MEGF10: variants seen among roughly 807,000 people sequenced by gnomAD.
The protein encoded by MEGF10 is multiple epidermal growth factor-like domains protein 10.
Under a neutral mutation model 147.5 loss-of-function variants are expected in MEGF10, and 86 were observed. The ratio of observed to expected loss-of-function variants is 0.58; its 90% CI spans 0.49 to 0.70. The LOEUF (loss-of-function observed/expected upper bound fraction) is 0.70. MEGF10 is among the 30% of genes least tolerant of loss of function. The probability of loss-of-function intolerance (pLI) is 0.00; values close to 1 mark genes in which losing one functional copy is unlikely to be tolerated. For synonymous variants in MEGF10, 478 were observed against 525.5 expected, an observed-to-expected ratio of 0.91 and a Z score of 1.24; for missense variants, 1,329 against 1,487.3, an observed-to-expected ratio of 0.89 and a Z score of 1.75.
intron 1 of MEGF10, among the ~76,000 whole-genome samples, chr5:127,298,824 G>A (rs1759635034): frequency 6.6e-6 from 1 of 152,164 alleles, no homozygotes; most frequent in Non-Finnish European, 1.5e-5. Context: ...CATTGTTCAG[G>A]GGTTGGCTGA....
At chr5:127,411,730 G>A (rs887768526) in intron 9 of MEGF10, among the ~76,000 whole-genome samples, 9 of 152,046 alleles carry the variant, frequency 5.9e-5, no homozygotes, top group Admixed American at 3.3e-4. Context: ...AAATATTTGG[G>A]GGAATAAAAA....
At chr5:127,286,644 C>G (rs1759038643), upstream of MEGF10, among the ~76,000 whole-genome samples, 1 of 149,482 alleles carries the variant, frequency 6.7e-6, no homozygotes, top group Non-Finnish European at 1.5e-5. Flanking sequence ...AATCAATAAG[C>G]AAAAATTTGA....
intron 22 of MEGF10, 28 bp from the exon 23 acceptor site, chr5:127,454,538 G>T: frequency 6.3e-7 from 1 of 1,597,068 alleles, no homozygotes; most frequent in South Asian, 1.1e-5. Flanking sequence ...AGTTCTCACT[G>T]GGTGTTTTTT....
At position 127,398,667 on chromosome 5, in the gene MEGF10, A is replaced by T. The variant is rs1764015635; in HGVS notation, c.660-9A>T. On this transcript the variant is annotated splice_polypyrimidine_tract_variant and intron_variant, in intron 6 of 24. Transcript: ENST00000503335. ...TAACAGTGTCCTTTGTCACATGTTA[A>T]TCCCTCAGCTGTGAGGATCTTTGTC... 6.2e-7 allele frequency: 1 copy of T among 1,614,064 alleles called. No individual in the cohort carries two copies. The highest frequency in any genetic ancestry group is 8.5e-7 in the Non-Finnish European group (1 of 1,179,974).
At chr5:127,249,131 C>T in the MEGF10 span, among the ~76,000 whole-genome samples, 15 of 151,826 alleles carry the variant, frequency 9.9e-5, no homozygotes, top group East Asian at 1.9e-4. Flanking sequence ...AATAATAATG[C>T]GTTGTGGCTT....
chr5:127,458,512 A>G lies in MEGF10; in HGVS notation c.*1194A>G, dbSNP rs886755123. On this transcript the variant is annotated 3_prime_UTR_variant, in exon 25 of 25. Coordinates refer to ENST00000503335, the MANE Select transcript of MEGF10 (RefSeq NM_001256545.2). Reference sequence around the variant, plus strand: ...TGGATTGTTAATGAAAAAATATTATATGTTCGTTATTCCTTGTATTATTGC... The same window carrying G: ...TGGATTGTTAATGAAAAAATATTATGTGTTCGTTATTCCTTGTATTATTGC... 3 of 152,146 alleles carry G rather than the reference A, an allele frequency of 2.0e-5. No homozygotes were observed. Among genetic ancestry groups the G allele is most frequent in the African/African-American group, 7.2e-5 (3 of 41,434 alleles). 9.4% of individuals were successfully genotyped at this position (152,146 alleles called of 1,614,324 possible).
chr5:127,420,211 T>G lies in MEGF10; in HGVS notation c.1590+4T>G. The G allele has an allele frequency of 1.2e-6, 2 of 1,613,568 alleles. No individual in the cohort carries two copies. Among genetic ancestry groups the G allele is most frequent in the South Asian group, 2.2e-5 (2 of 91,002 alleles). ...GAAATGCGAACTTCCCTGCCAGGTATGCACAAATCAGCGCCCTGACGGAAA... is the reference window on the plus strand; with the variant it reads ...GAAATGCGAACTTCCCTGCCAGGTAGGCACAAATCAGCGCCCTGACGGAAA... On this transcript the variant is annotated splice_donor_region_variant and intron_variant, in intron 12 of 24. Coordinates refer to ENST00000503335, the MANE Select transcript of MEGF10 (RefSeq NM_001256545.2).
chr5:127,244,381 AAAG>A, the MEGF10 span, among the ~76,000 whole-genome samples: 6 of 151,658 alleles, frequency 4.0e-5, no homozygotes, highest in South Asian at 2.1e-4. Flanking sequence ...AAAAAAAAAA[AAAG>A]AAAAGAAATG....
At position 127,447,278 on chromosome 5, in the gene MEGF10, C is replaced by T. The variant is rs2003863; in HGVS notation, c.2729-279C>T. On this transcript the variant is annotated intron_variant, in intron 20 of 24. Coordinates refer to ENST00000503335, the MANE Select transcript of MEGF10 (RefSeq NM_001256545.2). The stretch of plus-strand genomic sequence containing the variant: ...GTAACCTCTACCTCCGGGGTTCAAG[C>T]GATTCTTCTGCCTCAGCCTCCCGAG... Among the ~76,000 whole-genome samples the T allele has an allele frequency of 0.028, 4,197 of 152,150 alleles. 52 individuals carry two copies. Among genetic ancestry groups the T allele is most frequent in the East Asian group, 0.045 (233 of 5,180 alleles).
At chr5:127,430,378 A>C (rs1765353076) in intron 13 of MEGF10, among the ~76,000 whole-genome samples, 1 of 152,236 alleles carries the variant, frequency 6.6e-6, no homozygotes, top group Non-Finnish European at 1.5e-5. Context: ...AGCCAGAAAT[A>C]ATGGTTAAAG....
the MEGF10 span, among the ~76,000 whole-genome samples, chr5:127,246,831 T>C: frequency 7.0e-6 from 1 of 143,534 alleles, no homozygotes; most frequent in Admixed American, 7.0e-5. Flanking sequence ...TAATATATAC[T>C]ATTACATATA....
chr5:127,248,827 A>G, the MEGF10 span, among the ~76,000 whole-genome samples: 1,005 of 152,074 alleles, frequency 6.6e-3, 12 homozygotes, highest in African/African-American at 0.023. Flanking sequence ...CTTGGTGAAA[A>G]AAAAAATCAA....
At chr5:127,397,958 C>T (rs1278208548) in intron 6 of MEGF10, among the ~76,000 whole-genome samples, 34 of 151,594 alleles carry the variant, frequency 2.2e-4, no homozygotes, top group Non-Finnish European at 1.0e-4. Context: ...AGCAAACTAA[C>T]ACAGGAACAG....
At chr5:127,330,491 C>G (rs1483570704) in intron 1 of MEGF10, among the ~76,000 whole-genome samples, 1 of 152,164 alleles carries the variant, frequency 6.6e-6, no homozygotes, top group African/African-American at 2.4e-5. Flanking sequence ...AACATTCACC[C>G]TCTTCAATCT....
chr5:127,312,314 A>G (rs918501917), intron 1 of MEGF10, among the ~76,000 whole-genome samples: 2 of 152,228 alleles, frequency 1.3e-5, no homozygotes, highest in Admixed American at 1.3e-4. Context: ...TGGTCATAAC[A>G]GAGACCAATG....
chr5:127,232,132 A>G, the MEGF10 span, among the ~76,000 whole-genome samples: 1 of 152,252 alleles, frequency 6.6e-6, no homozygotes, highest in African/African-American at 2.4e-5. Flanking sequence ...AATAAGTGGT[A>G]ACAATATTTT....
chr5:127,350,032 T>G (rs761276191), intron 4 of MEGF10, among the ~76,000 whole-genome samples: 1 of 152,180 alleles, frequency 6.6e-6, no homozygotes, highest in Non-Finnish European at 1.5e-5. Context: ...GTGTGGTCCT[T>G]TATTTCTTGT....
rs558358201 is a variant in MEGF10, at chr5:127,419,222, T to A, written c.1408T>A (p.Ser470Thr). The A allele has an allele frequency of 2.5e-6, 4 of 1,613,820 alleles. No individual in the cohort carries two copies. The highest frequency in any genetic ancestry group is 3.4e-6 in the Non-Finnish European group (4 of 1,179,948). ...NDAVCSPVDG[S>T]CTCKAGWHGV... ...TGCAGTCTGCTCTCCTGTGGACGGG[T>A]CTTGTACTTGCAAGGCAGGTAAGAA... The change falls in exon 11 of 25, where the codon TCT becomes ACT. Residue 470 changes from serine to threonine, a missense_variant. Ser to Thr is a moderately conservative substitution (Grantham distance 58, BLOSUM62 1). Around this residue, in one of 3 missense-constraint regions of MEGF10, gnomAD observed 980 missense variants for 1,085.9 expected, o/e 0.90. Coordinates refer to ENST00000503335, the MANE Select transcript of MEGF10 (RefSeq NM_001256545.2).
chr5:127,459,904 A>G lies in MEGF10; in HGVS notation c.*2586A>G, dbSNP rs1157118907. On this transcript the variant is annotated 3_prime_UTR_variant, in exon 25 of 25. Transcript: ENST00000503335. ...TAAATATTTTGATATCAATTTGGGT[A>G]AAGAAAGGAATACTTTTGTTAGAAT... 2 of 152,240 alleles carry G rather than the reference A, an allele frequency of 1.3e-5. No homozygotes were observed. The highest frequency in any genetic ancestry group is 1.9e-4 in the East Asian group (1 of 5,202). 9.4% of individuals were successfully genotyped at this position (152,240 alleles called of 1,614,324 possible). A position where few individuals can be genotyped will look rare whatever the true frequency, so the allele number is the denominator to read the frequency against.
Sources: gnomAD v4.1 joint callset for allele counts (sites outside exome capture counted in the v4.1 genomes callset) on GRCh38, gnomAD v4.1.1 for gene constraint, gnomAD v4.1.1 regional missense constraint, MANE v1.5 for transcripts, NCBI Gene and HGNC (gene_info 2026-07-23, HGNC 2026-07-21) for gene names.